RAP1GDS1: variants seen among roughly 807,000 people sequenced by gnomAD.
RAP1GDS1 encodes the protein Rap1 GTPase-GDP dissociation stimulator 1, also known as RAP1, GTP-GDP dissociation stimulator 1.
Under a neutral mutation model 71.1 loss-of-function variants are expected in RAP1GDS1, and 35 were observed. The ratio of observed to expected loss-of-function variants is 0.49; its 90% CI spans 0.38 to 0.65. The LOEUF is 0.65. RAP1GDS1 is among the 30% of genes least tolerant of loss of function. The pLI, the probability that RAP1GDS1 is intolerant of heterozygous loss-of-function variation, is 0.00. For synonymous variants in RAP1GDS1, 229 were observed against 243.1 expected (o/e 0.94, Z 0.54); for missense variants, 663 against 706.1 (o/e 0.94, Z 0.69).
At chr4:98,300,268 TGACTTACTGAAG>T (rs1460647437) in intron 2 of RAP1GDS1, among the ~76,000 whole-genome samples, 1 of 152,256 alleles carries the variant, frequency 6.6e-6, no homozygotes, top group Non-Finnish European at 1.5e-5. Context: ...CAAAAAGTTA[TGACTTACTGAAG>T]GCTCAGATGA....
rs115473624 is a variant in RAP1GDS1 at position 98,358,598 on chromosome 4, T to A, written c.361+5997T>A. 8.6e-3 allele frequency among the ~76,000 whole-genome samples: 1,306 copies of A among 151,644 alleles called. 22 individuals are homozygous for A. The highest frequency in any genetic ancestry group is 0.03 in the African/African-American group (1,243 of 41,532). On this transcript the variant is annotated intron_variant, in intron 4 of 14. Transcript: ENST00000408927. ...CTATTTCTTGAGACCAAAAACCATG[T>A]TTATCTCTGATTTTTGAGCCCATTA...
At chr4:98,312,280 G>T (rs1413197766) in intron 2 of RAP1GDS1, among the ~76,000 whole-genome samples, 1 of 152,100 alleles carries the variant, frequency 6.6e-6, no homozygotes, top group African/African-American at 2.4e-5. Context: ...TATGAAGAGG[G>T]AATCTTTCAT....
chr4:98,416,878 ACTT>A lies in RAP1GDS1; in HGVS notation c.901_903del (p.Leu301del). On this transcript the variant is annotated inframe_deletion, in exon 8 of 15. Transcript: ENST00000408927. Reference sequence around the variant, plus strand: ...CTGGTTCAGATCTCATGGTTTTATTACTTCTTGGAGGTGAGTTGTAATTTATGC... The same window carrying A: ...CTGGTTCAGATCTCATGGTTTTATTACTTGGAGGTGAGTTGTAATTTATGC... The A allele has an allele frequency of 6.2e-7, 1 of 1,612,312 alleles. No individual in the cohort carries two copies.
intron 5 of RAP1GDS1, among the ~76,000 whole-genome samples, chr4:98,385,305 G>T (rs1742576349): frequency 6.6e-6 from 1 of 151,620 alleles, no homozygotes; most frequent in Non-Finnish European, 1.5e-5. Context: ...GAAAGACCAG[G>T]TCTTTACTGT....
Position 98,261,581 on chromosome 4 carries a change from T to C in RAP1GDS1, c.4+12T>C. 2 of 1,599,754 alleles carry C rather than the reference T, an allele frequency of 1.3e-6. No homozygotes were observed. The highest frequency in any genetic ancestry group is 1.1e-5 in the South Asian group (1 of 89,546). Reference sequence around the variant, plus strand: ...GGGGAGCAACATGGGTAAGTCATCCTTCCTCCGCCGTCATCGCCTGACATT... The same window carrying C: ...GGGGAGCAACATGGGTAAGTCATCCCTCCTCCGCCGTCATCGCCTGACATT... On this transcript the variant is annotated intron_variant, in intron 1 of 14. Coordinates refer to ENST00000408927, the MANE Select transcript of RAP1GDS1 (RefSeq NM_001100427.2).
At chr4:98,434,619 CTTT>C (rs557173513) in intron 13 of RAP1GDS1, among the ~76,000 whole-genome samples, 2 of 134,420 alleles carry the variant, frequency 1.5e-5, no homozygotes, top group Non-Finnish European at 3.2e-5. Flanking sequence ...TTTAACATAG[CTTT>C]TTTTTTTTTT....
chr4:98,294,069 T>C (rs1727369689), intron 2 of RAP1GDS1, among the ~76,000 whole-genome samples: 1 of 152,184 alleles, frequency 6.6e-6, no homozygotes. Context: ...TGATAAATAA[T>C]GCTAGAGATA....
At chr4:98,293,320 C>A in intron 1 of RAP1GDS1, 88 bp from the exon 2 acceptor site, 1 of 829,074 alleles carries the variant, frequency 1.2e-6, no homozygotes, top group Non-Finnish European at 1.9e-6. Flanking sequence ...GGAAGCTCTC[C>A]AGTTTAGTGG....
chr4:98,429,292 GTA>G (rs1306652169), intron 12 of RAP1GDS1, among the ~76,000 whole-genome samples: 4 of 150,070 alleles, frequency 2.7e-5, no homozygotes, highest in Admixed American at 6.6e-5. Context: ...ACTATGATGT[GTA>G]TATATATATA....
intron 7 of RAP1GDS1, among the ~76,000 whole-genome samples, chr4:98,410,722 G>A (rs1746938339): frequency 6.6e-6 from 1 of 152,102 alleles, no homozygotes; most frequent in South Asian, 2.1e-4. Flanking sequence ...TCATAATGTT[G>A]AAAGGAAAAA....
intron 1 of RAP1GDS1, among the ~76,000 whole-genome samples, chr4:98,274,310 TAAGGC>T (rs1482432977): frequency 6.6e-6 from 1 of 152,202 alleles, no homozygotes; most frequent in Non-Finnish European, 1.5e-5. Context: ...TTCTGTGTCA[TAAGGC>T]AAGTCCAGAT....
At chr4:98,358,067 C>T (rs1738204888) in intron 4 of RAP1GDS1, among the ~76,000 whole-genome samples, 1 of 148,974 alleles carries the variant, frequency 6.7e-6, no homozygotes, top group Non-Finnish European at 1.5e-5. Context: ...TTCACTTGAG[C>T]TTCTTGGCAG....
intron 6 of RAP1GDS1, among the ~76,000 whole-genome samples, chr4:98,397,459 C>T (rs375330388): frequency 6.4e-4 from 98 of 152,114 alleles, no homozygotes; most frequent in Middle Eastern, 3.4e-3. Flanking sequence ...ATAGTGAGAC[C>T]TCCCCCCGAC....
chr4:98,286,319 C>T (rs1726005285), intron 1 of RAP1GDS1, among the ~76,000 whole-genome samples: 1 of 151,518 alleles, frequency 6.6e-6, no homozygotes, highest in Non-Finnish European at 1.5e-5. Flanking sequence ...GTATTGTAGG[C>T]CTGTCGCATC....
Position 98,442,218 on chromosome 4 carries a change from C to A in RAP1GDS1, c.*101C>A. ...TTCTCTACCATACCACTTGTGCATG[C>A]ATGTGATGTTCTAATACCAATTGAA... On this transcript the variant is annotated 3_prime_UTR_variant, in exon 15 of 15. Coordinates refer to ENST00000408927, the MANE Select transcript of RAP1GDS1 (RefSeq NM_001100427.2). 6.7e-7 allele frequency: 1 copy of A among 1,487,990 alleles called. No homozygotes were observed. Among genetic ancestry groups the A allele is most frequent in the Non-Finnish European group, 9.0e-7 (1 of 1,108,482 alleles). The allele number at this position is 1,487,990 out of a possible 1,614,324, so 92.2% of individuals were successfully genotyped here. A position where few individuals can be genotyped will look rare whatever the true frequency, so the allele number is the denominator to read the frequency against.
chr4:98,367,915 T>C (rs1739760916), intron 4 of RAP1GDS1, among the ~76,000 whole-genome samples: 1 of 152,138 alleles, frequency 6.6e-6, no homozygotes, highest in South Asian at 2.1e-4. Flanking sequence ...CTGTGGACTT[T>C]TGAGTTAATG....
chr4:98,396,861 A>C (rs966923317), intron 6 of RAP1GDS1: 1 of 152,248 alleles, frequency 6.6e-6, no homozygotes, highest in Non-Finnish European at 1.5e-5. Context: ...ACTAAATGCT[A>C]CAGTTACTTT....
chr4:98,321,837 G>A (rs1442365840), intron 2 of RAP1GDS1, among the ~76,000 whole-genome samples: 2 of 121,614 alleles, frequency 1.6e-5, no homozygotes, highest in Admixed American at 8.9e-5. Context: ...AAAGACCATC[G>A]AGACTAGGAA....
intron 7 of RAP1GDS1, among the ~76,000 whole-genome samples, chr4:98,405,813 G>A (rs1746030842): frequency 6.6e-6 from 1 of 151,498 alleles, no homozygotes; most frequent in African/African-American, 2.4e-5. Context: ...AGATGCAGGG[G>A]AGAATAAAGA....
Sources: allele counts gnomAD v4.1 joint callset (sites outside exome capture counted in the v4.1 genomes callset), GRCh38; gene constraint gnomAD v4.1.1; transcripts MANE v1.5; gene names NCBI Gene and HGNC (gene_info 2026-07-23, HGNC 2026-07-21).